NBAS: variants seen among roughly 807,000 people sequenced by gnomAD.
The protein encoded by NBAS is NAG/BC035112 fusion.
Under a neutral mutation model 302.5 loss-of-function variants are expected in NBAS, and 219 were observed. The observed-to-expected ratio is 0.72, with a 90% confidence interval of 0.65 to 0.81. The LOEUF is 0.81. NBAS is among the 30% of genes least tolerant of loss of function. The probability of loss-of-function intolerance (pLI) is 0.00; values close to 1 mark genes in which losing one functional copy is unlikely to be tolerated. For missense variants in NBAS, 2,932 were observed against 2,841.6 expected, an observed-to-expected ratio of 1.03 and a Z score of -0.72; for synonymous variants, 1,118 against 1,021.6, an observed-to-expected ratio of 1.09 and a Z score of -1.80.
the NBAS span, among the ~76,000 whole-genome samples, chr2:14,864,320 CAAAAAAA>C: frequency 5.9e-5 from 4 of 68,014 alleles, no homozygotes; most frequent in African/African-American, 1.9e-4. Flanking sequence ...GGCTCCATCT[CAAAAAAA>C]AAAAAAAAAA....
chr2:15,400,351 C>A (rs1384479996), intron 26 of NBAS, among the ~76,000 whole-genome samples: 1 of 151,610 alleles, frequency 6.6e-6, no homozygotes, highest in Non-Finnish European at 1.5e-5. Flanking sequence ...ATTATTCAAT[C>A]CAGGAAAAAC....
At chr2:15,020,212 T>C in the NBAS span, among the ~76,000 whole-genome samples, 1 of 152,130 alleles carries the variant, frequency 6.6e-6, no homozygotes, top group Admixed American at 6.5e-5. Flanking sequence ...TCCAAAAAGG[T>C]TGAAGATAAA....
At chr2:14,815,010 C>T in the NBAS span, among the ~76,000 whole-genome samples, 19 of 152,128 alleles carry the variant, frequency 1.2e-4, no homozygotes, top group Non-Finnish European at 2.6e-4. Context: ...TTTCCTGCCA[C>T]CATGTGAAGA....
chr2:15,371,682 T>C (rs957115780), intron 31 of NBAS, among the ~76,000 whole-genome samples: 7 of 152,156 alleles, frequency 4.6e-5, no homozygotes, highest in African/African-American at 1.7e-4. Context: ...GGTAGCCCTG[T>C]AAAGTCATAG....
chr2:15,141,114 T>C, the NBAS span, among the ~76,000 whole-genome samples: 1 of 152,162 alleles, frequency 6.6e-6, no homozygotes, highest in African/African-American at 2.4e-5. Context: ...AAAAATCCAG[T>C]GTCTCTCTGT....
intron 48 of NBAS, among the ~76,000 whole-genome samples, chr2:15,215,796 G>C (rs1666624145): frequency 1.3e-5 from 2 of 152,080 alleles, no homozygotes. Flanking sequence ...CACAGATGAA[G>C]AATCTTCCCC....
the NBAS span, among the ~76,000 whole-genome samples, chr2:14,879,689 G>A: frequency 6.6e-6 from 1 of 152,220 alleles, no homozygotes; most frequent in Admixed American, 6.5e-5. Flanking sequence ...ACAGCTTATA[G>A]CATGCCTACA....
intron 48 of NBAS, among the ~76,000 whole-genome samples, chr2:15,210,237 T>A (rs1473529727): frequency 6.6e-6 from 1 of 151,942 alleles, no homozygotes; most frequent in Non-Finnish European, 1.5e-5. Flanking sequence ...TGACAAGGGA[T>A]TAAAAACCAG....
the NBAS span, among the ~76,000 whole-genome samples, chr2:14,840,143 G>T: frequency 6.6e-6 from 1 of 151,808 alleles, no homozygotes; most frequent in Admixed American, 6.6e-5. Context: ...TTGCCAAATT[G>T]AAAAATTAAT....
intron 45 of NBAS, among the ~76,000 whole-genome samples, chr2:15,237,024 G>T (rs1251702819): frequency 2.6e-5 from 4 of 151,944 alleles, no homozygotes; most frequent in Admixed American, 6.6e-5. Flanking sequence ...CATTCTACAA[G>T]GCAAGAATAC....
At chr2:15,034,544 A>C in the NBAS span, among the ~76,000 whole-genome samples, 1 of 152,182 alleles carries the variant, frequency 6.6e-6, no homozygotes, top group African/African-American at 2.4e-5. Flanking sequence ...AACTAAGACA[A>C]GCCTTGACAA....
At chr2:14,806,832 G>A in the NBAS span, among the ~76,000 whole-genome samples, 1 of 152,180 alleles carries the variant, frequency 6.6e-6, no homozygotes, top group African/African-American at 2.4e-5. Flanking sequence ...GTCCATATGA[G>A]CCAATCCTGA....
chr2:15,551,494 T>C lies in NBAS; in HGVS notation c.378A>G (p.Gln126=). The C allele has an allele frequency of 6.2e-7, 1 of 1,607,146 alleles. No individual in the cohort carries two copies. The highest frequency in any genetic ancestry group is 2.2e-5 in the East Asian group (1 of 44,734). Residue 126 remains glutamine (Q), a splice_region_variant and synonymous_variant, in exon 6 of 52, where the codon CAA becomes CAG. Coordinates refer to ENST00000281513, the MANE Select transcript of NBAS (RefSeq NM_015909.4). ...TTTAAATATTTTGGAAACTCTTACC[T>C]TGACATTTCCCAATAATGGATGTAA... The part of the protein sequence containing the change: ...DDFTSIIGKC[Q]VPKDPKPQWR...
the NBAS span, among the ~76,000 whole-genome samples, chr2:15,138,222 T>C: frequency 1.3e-5 from 2 of 152,222 alleles, no homozygotes; most frequent in East Asian, 3.9e-4. Context: ...AGAAACAGCA[T>C]GGGCTGCTTC....
chr2:14,813,121 A>T, the NBAS span, among the ~76,000 whole-genome samples: 1 of 152,328 alleles, frequency 6.6e-6, no homozygotes, highest in East Asian at 1.9e-4. Context: ...AAACCTCTTC[A>T]TAAATTACCT....
At chr2:14,797,975 G>A in the NBAS span, among the ~76,000 whole-genome samples, 1 of 152,064 alleles carries the variant, frequency 6.6e-6, no homozygotes, top group African/African-American at 2.4e-5. Context: ...CTAAACTAAC[G>A]TTACTTCTAG....
At chr2:14,815,366 G>A in the NBAS span, among the ~76,000 whole-genome samples, 1 of 152,174 alleles carries the variant, frequency 6.6e-6, no homozygotes, top group Admixed American at 6.5e-5. Context: ...CACAGTCTCA[G>A]AGTGAGAGCC....
At chr2:15,553,770 C>T (rs1231515828) in intron 4 of NBAS, among the ~76,000 whole-genome samples, 1 of 145,984 alleles carries the variant, frequency 6.9e-6, no homozygotes, top group Non-Finnish European at 1.5e-5. Context: ...CTTTACCTCC[C>T]TCCCTCTTTC....
chr2:15,424,314 C>A lies in NBAS; in HGVS notation c.2577+1G>T. ...GAGCAGCAGCTGCCATTTCCCCTCA[C>A]CTGCCGAGCATAATGCTCTATTTCC... On this transcript the variant is annotated splice_donor_variant, in intron 23 of 51. Coordinates refer to ENST00000281513, the MANE Select transcript of NBAS (RefSeq NM_015909.4). LOFTEE classifies it high-confidence loss of function. The A allele has an allele frequency of 6.2e-7, 1 of 1,614,064 alleles. No homozygotes were observed. The highest frequency in any genetic ancestry group is 8.5e-7 in the Non-Finnish European group (1 of 1,179,950).
Sources: gnomAD v4.1 joint callset for allele counts (sites outside exome capture counted in the v4.1 genomes callset) on GRCh38, gnomAD v4.1.1 for gene constraint, MANE v1.5 for transcripts, NCBI Gene and HGNC (gene_info 2026-07-23, HGNC 2026-07-21) for gene names.